KCTD8: variants seen among roughly 807,000 people sequenced by gnomAD.
KCTD8 encodes potassium channel tetramerization domain containing 8, also known as BTB/POZ domain-containing protein KCTD8.
A neutral mutation model predicts 31.5 loss-of-function variants in KCTD8; 27 were observed. That is an observed-to-expected ratio of 0.86 (90% CI 0.63 to 1.18). KCTD8 has a LOEUF of 1.18. Among genes scored for constraint, KCTD8 ranks in the 50% most tolerant of loss-of-function variants. KCTD8 has a pLI of 0.00. For missense variants in KCTD8, 658 were observed against 647.7 expected (o/e 1.02, Z -0.17); for synonymous variants, 290 against 280.0 (o/e 1.04, Z -0.36).
chr4:44,182,090 C>T (rs1048332499), intron 1 of KCTD8, among the ~76,000 whole-genome samples: 19 of 151,726 alleles, frequency 1.3e-4, no homozygotes, highest in East Asian at 3.9e-4. Flanking sequence ...GGAGCCCCTC[C>T]GCCCGACAGC....
intron 1 of KCTD8, among the ~76,000 whole-genome samples, chr4:44,370,359 G>A (rs749960503): frequency 6.6e-6 from 1 of 152,124 alleles, no homozygotes; most frequent in Admixed American, 6.6e-5. Context: ...TAATATATAA[G>A]GGTGTAAAAA....
At chr4:44,240,391 G>A (rs1034479101) in intron 1 of KCTD8, among the ~76,000 whole-genome samples, 2 of 152,196 alleles carry the variant, frequency 1.3e-5, no homozygotes, top group Admixed American at 1.3e-4. Context: ...GAGGCTTGTT[G>A]TGTTGTACTT....
At chr4:44,179,406 T>C (rs1165401742) in intron 1 of KCTD8, among the ~76,000 whole-genome samples, 6 of 151,162 alleles carry the variant, frequency 4.0e-5, no homozygotes, top group Non-Finnish European at 4.4e-5. Flanking sequence ...TTTACTGTGA[T>C]TTTAAGAGCT....
intron 1 of KCTD8, among the ~76,000 whole-genome samples, chr4:44,294,280 A>C (rs376866403): frequency 1.3e-5 from 2 of 152,262 alleles, no homozygotes; most frequent in South Asian, 4.1e-4. Flanking sequence ...TCTGACACTT[A>C]GAAACGTAAA....
chr4:44,251,397 T>G (rs1399177140), intron 1 of KCTD8, among the ~76,000 whole-genome samples: 1 of 151,696 alleles, frequency 6.6e-6, no homozygotes. Flanking sequence ...TTTGAATATA[T>G]AAACATATGA....
chr4:44,383,722 A>G (rs2109444568), intron 1 of KCTD8, among the ~76,000 whole-genome samples: 1 of 152,144 alleles, frequency 6.6e-6, no homozygotes, highest in South Asian at 2.1e-4. Flanking sequence ...CTACTGGAAA[A>G]AAACACACAC....
intron 1 of KCTD8, among the ~76,000 whole-genome samples, chr4:44,378,931 CT>C (rs1391692339): frequency 1.3e-5 from 2 of 152,050 alleles, no homozygotes; most frequent in Non-Finnish European, 2.9e-5. Flanking sequence ...AATCTGTTTC[CT>C]TTTCTTTGCT....
chr4:44,439,641 CAA>C (rs1259701811), intron 1 of KCTD8, among the ~76,000 whole-genome samples: 5 of 152,116 alleles, frequency 3.3e-5, no homozygotes, highest in Admixed American at 1.3e-4. Flanking sequence ...AAAAATGAAT[CAA>C]GATTGTAAGA....
At chr4:44,360,130 A>G (rs1719459046) in intron 1 of KCTD8, among the ~76,000 whole-genome samples, 1 of 152,038 alleles carries the variant, frequency 6.6e-6, no homozygotes, top group African/African-American at 2.4e-5. Flanking sequence ...TGCCTTTTAT[A>G]TTTTAATAAA....
At chr4:44,438,857 C>T (rs950301420) in intron 1 of KCTD8, among the ~76,000 whole-genome samples, 8 of 152,144 alleles carry the variant, frequency 5.3e-5, no homozygotes, top group African/African-American at 1.4e-4. Context: ...TCCCTGATAC[C>T]ATCTGTGCCT....
intron 1 of KCTD8, among the ~76,000 whole-genome samples, chr4:44,210,572 CA>C (rs937708136): frequency 2.8e-4 from 42 of 152,206 alleles, no homozygotes; most frequent in Admixed American, 2.6e-3. Context: ...ACATAGGAAA[CA>C]TTTTTTTACT....
chr4:44,228,518 A>G (rs1246997145), intron 1 of KCTD8, among the ~76,000 whole-genome samples: 1 of 152,192 alleles, frequency 6.6e-6, no homozygotes, highest in African/African-American at 2.4e-5. Context: ...TGCAAGCCAT[A>G]TGGCTTCCAT....
At chr4:44,358,055 C>CA (rs1440226783) in intron 1 of KCTD8, among the ~76,000 whole-genome samples, 4 of 151,956 alleles carry the variant, frequency 2.6e-5, no homozygotes, top group Admixed American at 2.6e-4. Flanking sequence ...CCTAGCCCCC[C>CA]ACCCCCCAAA....
chr4:44,290,204 CAAG>C (rs1717228631), intron 1 of KCTD8, among the ~76,000 whole-genome samples: 1 of 151,832 alleles, frequency 6.6e-6, no homozygotes, highest in Non-Finnish European at 1.5e-5. Flanking sequence ...CAACAACAAT[CAAG>C]AAGGACAAAA....
At chr4:44,369,909 A>G (rs1180916345) in intron 1 of KCTD8, among the ~76,000 whole-genome samples, 2 of 152,142 alleles carry the variant, frequency 1.3e-5, no homozygotes, top group African/African-American at 4.8e-5. Flanking sequence ...CTTTTTTCTA[A>G]TAAACAATAT....
At chr4:44,382,437 A>G (rs929687488) in intron 1 of KCTD8, among the ~76,000 whole-genome samples, 4 of 152,006 alleles carry the variant, frequency 2.6e-5, no homozygotes, top group African/African-American at 4.8e-5. Flanking sequence ...TAAGAACTCA[A>G]ACAAGATGGT....
intron 1 of KCTD8, among the ~76,000 whole-genome samples, chr4:44,305,710 TGATA>T (rs1412791900): frequency 6.6e-6 from 1 of 151,888 alleles, no homozygotes; most frequent in African/African-American, 2.4e-5. Context: ...CTAACATGAT[TGATA>T]TAGTATATGT....
rs114329353 is a variant in KCTD8, at chr4:44,437,874, T to C, written c.961+9689A>G. 3.1e-3 allele frequency among the ~76,000 whole-genome samples: 470 copies of C among 152,224 alleles called. 1 individual carries two copies. The highest frequency in any genetic ancestry group is 0.011 in the African/African-American group (445 of 41,548). ...AGCCCAAAGACTTTGATTCTAAATC[T>C]CTTTCTCTTTTACTCTAAACGAGAA... On this transcript the variant is annotated intron_variant, in intron 1 of 1. Transcript: ENST00000360029.
At chr4:44,225,160 T>C (rs750148543) in intron 1 of KCTD8, among the ~76,000 whole-genome samples, 32 of 152,222 alleles carry the variant, frequency 2.1e-4, no homozygotes, top group Admixed American at 6.5e-5. Context: ...ATAAGCTCTA[T>C]CCCACATTCA....
Sources: gnomAD v4.1 joint callset for allele counts (sites outside exome capture counted in the v4.1 genomes callset) on GRCh38, gnomAD v4.1.1 for gene constraint, MANE v1.5 for transcripts, NCBI Gene and HGNC (gene_info 2026-07-23, HGNC 2026-07-21) for gene names.